Variants in PRG4 observed in about 807,000 individuals in gnomAD.
PRG4 encodes proteoglycan 4.
A neutral mutation model predicts 91.2 loss-of-function variants in PRG4; 61 were observed. That is an observed-to-expected ratio of 0.67 (90% confidence interval 0.54 to 0.83). The LOEUF (loss-of-function observed/expected upper bound fraction) is 0.83, where lower values mean the gene tolerates loss of function less well. Ranked by LOEUF, PRG4 falls within the 40% of genes least tolerant of loss-of-function variation. The pLI is 0.00. For missense variants in PRG4, 1,564 were observed against 1,714.2 expected (o/e 0.91, Z 1.55); for synonymous variants, 576 against 614.2 (o/e 0.94, Z 0.92).
chr1:186,309,708 A>G, intron 7 of PRG4, 85 bp from the exon 8 acceptor site: 1 of 1,016,036 alleles, frequency 9.8e-7, no homozygotes, highest in Admixed American at 1.7e-5. Flanking sequence ...AACAGGAAAT[A>G]GAACCATGTG....
intron 8 of PRG4, among the ~76,000 whole-genome samples, chr1:186,310,321 T>A (rs1657099475): frequency 6.6e-6 from 1 of 152,242 alleles, no homozygotes; most frequent in East Asian, 1.9e-4. Flanking sequence ...AATTCTCTGC[T>A]GTACTCTGCT....
chr1:186,301,495 G>T (rs554697136), intron 3 of PRG4, 97 bp from the exon 4 acceptor site: 1 of 1,549,798 alleles, frequency 6.5e-7, no homozygotes, highest in African/African-American at 1.4e-5. Context: ...ATGAACTTTT[G>T]GAAACCTAGT....
chr1:186,309,747 T>G, intron 7 of PRG4, 46 bp from the exon 8 acceptor site: 1 of 1,361,090 alleles, frequency 7.3e-7, no homozygotes, highest in Non-Finnish European at 1.1e-6. Flanking sequence ...ATACAGACTT[T>G]TCTCATTCTG....
intron 3 of PRG4, 68 bp downstream of exon 3, chr1:186,300,281 C>T: frequency 6.3e-7 from 1 of 1,596,768 alleles, no homozygotes; most frequent in East Asian, 2.2e-5. Flanking sequence ...CCCCTTGCAC[C>T]CTCGTGCAGT....
At position 186,308,818 on chromosome 1, in the gene PRG4, T is replaced by C; in HGVS notation, c.3099T>C (p.Ser1033=). The C allele has an allele frequency of 6.2e-7, 1 of 1,613,826 alleles. No homozygotes were observed. The highest frequency in any genetic ancestry group is 1.1e-5 in the South Asian group (1 of 91,076). ...CCAAAGCACCCAAAAAACCCACTTC[T>C]ACCAAAAAGCCAAAAACAATGCCTA... The part of the protein sequence containing the change: ...KPTKAPKKPT[S]TKKPKTMPRV... The change falls in exon 7 of 13, where the codon TCT becomes TCC. Residue 1033 remains serine (S), a synonymous_variant. Transcript: ENST00000445192.
intron 12 of PRG4, 82 bp downstream of exon 12, chr1:186,312,976 T>A: frequency 7.1e-7 from 1 of 1,410,124 alleles, no homozygotes; most frequent in Admixed American, 1.7e-5. Context: ...CTGGCTGCAA[T>A]GATGACTGAA....
chr1:186,300,815 T>G (rs1396065790), intron 3 of PRG4, among the ~76,000 whole-genome samples: 1 of 152,234 alleles, frequency 6.6e-6, no homozygotes, highest in Non-Finnish European at 1.5e-5. Context: ...GCCATTTTAT[T>G]ATTAACACAG....
At position 186,309,769 on chromosome 1, in the gene PRG4, T is replaced by C. The variant is rs184049568; in HGVS notation, c.3422-24T>C. 1.3e-3 allele frequency: 1,971 copies of C among 1,535,108 alleles called. 6 individuals carry two copies. The highest frequency in any genetic ancestry group is 2.2e-3 in the Middle Eastern group (13 of 5,920). On this transcript the variant is annotated intron_variant, in intron 7 of 12. Coordinates refer to ENST00000445192, the MANE Select transcript of PRG4 (RefSeq NM_005807.6). Reference sequence around the variant, plus strand: ...CTTTTCTCATTCTGTTCTATATTTGTTTTGTTTTTGTTAATTTGTTTAGAT... The same window carrying C: ...CTTTTCTCATTCTGTTCTATATTTGCTTTGTTTTTGTTAATTTGTTTAGAT...
rs1656961702 is a variant in PRG4, at chr1:186,308,912, A to G, written c.3193A>G (p.Thr1065Ala). 6.2e-7 allele frequency: 1 copy of G among 1,612,826 alleles called. No homozygotes were observed. Among genetic ancestry groups the G allele is most frequent in the African/African-American group, 1.3e-5 (1 of 74,852 alleles). The change falls in exon 7 of 13, where the codon ACC becomes GCC. Residue 1065 changes from threonine to alanine, a missense_variant. Thr to Ala is a moderately conservative substitution (Grantham distance 58). Coordinates refer to ENST00000445192, the MANE Select transcript of PRG4 (RefSeq NM_005807.6). ...ATCAACAATGCCAGAATTGAACCCT[A>G]CCTCAAGAATAGCAGAAGCCATGCT... is the stretch of plus-strand genomic sequence containing the variant. ...MTSTMPELNPTSRIAEAMLQT... is the reference protein window; with the variant it reads ...MTSTMPELNPASRIAEAMLQT...
At position 186,314,168 on chromosome 1, in the gene PRG4, T is replaced by C. The variant is rs1169794261; in HGVS notation, c.*390T>C. 3.0e-6 allele frequency: 2 copies of C among 673,288 alleles called. No homozygotes were observed. The highest frequency in any genetic ancestry group is 4.9e-6 in the Non-Finnish European group (2 of 411,642). 41.7% of individuals were successfully genotyped at this position (673,288 alleles called of 1,614,324 possible). ...GGTATTCTACAACTTCAATGGAAAT[T>C]ATTACAAGCAGATTAATCCCTCTTT... On this transcript the variant is annotated 3_prime_UTR_variant, in exon 13 of 13. Coordinates refer to ENST00000445192, the MANE Select transcript of PRG4 (RefSeq NM_005807.6).
At position 186,309,823 on chromosome 1, in the gene PRG4, T is replaced by A. The variant is rs1320453305; in HGVS notation, c.3452T>A (p.Val1151Glu). ...DETNICNGKPVDGLTTLRNGT... is the reference protein window; with the variant it reads ...DETNICNGKPEDGLTTLRNGT... ...ACCAATATATGCAATGGTAAGCCAG[T>A]AGATGGACTGACTACTTTGCGCAAT... The change falls in exon 8 of 13, where the codon GTA becomes GAA. Residue 1151 changes from valine to glutamate, a missense_variant. Val to Glu is a moderately radical substitution (Grantham distance 121). Around this residue, in one of 3 missense-constraint regions of PRG4, gnomAD observed 1,079 missense variants for 1,162.2 expected, o/e 0.93. Coordinates refer to ENST00000445192, the MANE Select transcript of PRG4 (RefSeq NM_005807.6). 2 of 1,613,688 alleles carry A rather than the reference T, an allele frequency of 1.2e-6. No individual in the cohort carries two copies. Among genetic ancestry groups the A allele is most frequent in the Non-Finnish European group, 1.7e-6 (2 of 1,179,772 alleles).
At position 186,314,119 on chromosome 1, in the gene PRG4, G is replaced by C. The variant is rs1380492489; in HGVS notation, c.*341G>C. 8.3e-7 allele frequency: 1 copy of C among 1,197,838 alleles called. No homozygotes were observed. The highest frequency in any genetic ancestry group is 1.5e-5 in the African/African-American group (1 of 65,474). 74.2% of individuals were successfully genotyped at this position (1,197,838 alleles called of 1,614,324 possible). ...CCTAGTTCATTATAAAAAATATCTA[G>C]GCATTGTGGATATAAAACTGTTGGG... On this transcript the variant is annotated 3_prime_UTR_variant, in exon 13 of 13. Transcript: ENST00000445192.
At position 186,314,467 on chromosome 1, in the gene PRG4, T is replaced by C; in HGVS notation, c.*689T>C. On this transcript the variant is annotated 3_prime_UTR_variant, in exon 13 of 13. Coordinates refer to ENST00000445192, the MANE Select transcript of PRG4 (RefSeq NM_005807.6). ...TCTAAGGTATACAAATCTGTCTACATGAAGTTTACAGATTGGTAAATATCA... is the reference window on the plus strand; with the variant it reads ...TCTAAGGTATACAAATCTGTCTACACGAAGTTTACAGATTGGTAAATATCA... 2.1e-6 allele frequency: 1 copy of C among 484,912 alleles called. No individual in the cohort carries two copies. The highest frequency in any genetic ancestry group is 3.6e-6 in the Non-Finnish European group (1 of 276,046). 30.0% of individuals were successfully genotyped at this position (484,912 alleles called of 1,614,324 possible).
intron 11 of PRG4, 93 bp downstream of exon 11, chr1:186,312,465 T>C (rs1418663326): frequency 1.1e-4 from 137 of 1,211,034 alleles, no homozygotes; most frequent in East Asian, 2.8e-4. Context: ...TGGATACTGA[T>C]CAAACAGCCC....
rs757882876 is a variant in PRG4, at chr1:186,307,877, C to A, written c.2158C>A (p.Pro720Thr). ...GACTGCTCCAACTACCCTCAAGGAA[C>A]CTGCACCCACTACTCCCAAGAAGCC... Reference protein sequence around the residue: ...KGTAPTTLKEPAPTTPKKPAP... With the variant: ...KGTAPTTLKETAPTTPKKPAP... The change falls in exon 7 of 13, where the codon CCT becomes ACT. Residue 720 changes from proline (P) to threonine (T), a missense_variant. By Grantham distance (38) the Pro-to-Thr change is conservative. Coordinates refer to ENST00000445192, the MANE Select transcript of PRG4 (RefSeq NM_005807.6). The A allele has an allele frequency of 2.5e-5, 40 of 1,599,756 alleles. 1 individual carries two copies. Among genetic ancestry groups the A allele is most frequent in the South Asian group, 3.3e-5 (3 of 90,436 alleles).
chr1:186,300,168 C>A lies in PRG4; in HGVS notation c.154C>A (p.His52Asn), dbSNP rs1231629287. ...CTGCAACTGTGATTATAACTGTCAACACTACATGGAGTGCTGCCCTGATTT... is the reference window on the plus strand; with the variant it reads ...CTGCAACTGTGATTATAACTGTCAAAACTACATGGAGTGCTGCCCTGATTT... ...ATCNCDYNCQHYMECCPDFKR... is the reference protein window; with the variant it reads ...ATCNCDYNCQNYMECCPDFKR... The change falls in exon 3 of 13, where the codon CAC (histidine) becomes AAC (asparagine). Residue 52 changes from histidine to asparagine, a missense_variant. Coordinates refer to ENST00000445192, the MANE Select transcript of PRG4 (RefSeq NM_005807.6). 1 of 1,614,056 alleles carries A rather than the reference C, an allele frequency of 6.2e-7. No individual in the cohort carries two copies. Among genetic ancestry groups the A allele is most frequent in the Non-Finnish European group, 8.5e-7 (1 of 1,180,022 alleles).
At chr1:186,305,679 C>G (rs776499605) in intron 6 of PRG4, among the ~76,000 whole-genome samples, 26 of 152,298 alleles carry the variant, frequency 1.7e-4, no homozygotes, top group Non-Finnish European at 3.7e-4. Context: ...GGAAGCCACC[C>G]TTGGGCTTTG....
rs751077097 is a variant in PRG4 at position 186,313,661 on chromosome 1, AT to A, written c.4118-19del. ...CATTGTTTTCTTTTTAACTAAAAAA[AT>A]GTTTTCTCTTCCATTTAGATCAATA... is the stretch of plus-strand genomic sequence containing the variant. On this transcript the variant is annotated intron_variant, in intron 12 of 12. Transcript: ENST00000445192. 1.4e-6 allele frequency: 2 copies of A among 1,461,980 alleles called. No individual in the cohort carries two copies. Among genetic ancestry groups the A allele is most frequent in the Non-Finnish European group, 9.6e-7 (1 of 1,042,212 alleles). The allele number at this position is 1,461,980 out of a possible 1,614,324, so 90.6% of individuals were successfully genotyped here. A position where few individuals can be genotyped will look rare whatever the true frequency, so the allele number is the denominator to read the frequency against.
At position 186,309,148 on chromosome 1, in the gene PRG4, G is replaced by C. The variant is rs750501600; in HGVS notation, c.3421+8G>C. 1.9e-6 allele frequency: 3 copies of C among 1,606,376 alleles called. No individual in the cohort carries two copies. Among genetic ancestry groups the C allele is most frequent in the Admixed American group, 3.3e-5 (2 of 59,960 alleles). ...TCAATCCCATGCTTTCCGGTATTAA[G>C]AATCAGTTATTTTCATTTTTAAAGC... is the stretch of plus-strand genomic sequence containing the variant. On this transcript the variant is annotated splice_region_variant and intron_variant, in intron 7 of 12. Coordinates refer to ENST00000445192, the MANE Select transcript of PRG4 (RefSeq NM_005807.6).
Sources: gnomAD v4.1 joint callset for allele counts (sites outside exome capture counted in the v4.1 genomes callset) on GRCh38, gnomAD v4.1.1 for gene constraint, gnomAD v4.1.1 regional missense constraint, MANE v1.5 for transcripts, NCBI Gene and HGNC (gene_info 2026-07-23, HGNC 2026-07-21) for gene names.